NFATC2: variants seen among roughly 807,000 people sequenced by gnomAD.
NFATC2 encodes nuclear factor of activated T-cells, cytoplasmic 2.
Under a neutral mutation model 87.3 loss-of-function variants are expected in NFATC2, and 22 were observed. The observed-to-expected ratio is 0.25, with a 90% CI of 0.18 to 0.36. The LOEUF (loss-of-function observed/expected upper bound fraction) is 0.36, where lower values mean the gene tolerates loss of function less well. NFATC2 is among the 10% of genes least tolerant of loss of function. The pLI is 1.00. For synonymous variants in NFATC2, 565 were observed against 542.2 expected (o/e 1.04, Z -0.58); for missense variants, 1,149 against 1,259.1 (o/e 0.91, Z 1.32).
intron 3 of NFATC2, among the ~76,000 whole-genome samples, chr20:51,507,976 C>T (rs979284892): frequency 6.6e-6 from 1 of 152,256 alleles, no homozygotes; most frequent in African/African-American, 2.4e-5. Flanking sequence ...CTGCCCAGCA[C>T]ACACGAGGGC....
chr20:51,409,561 G>T (rs894547557), intron 9 of NFATC2, among the ~76,000 whole-genome samples: 3 of 152,190 alleles, frequency 2.0e-5, no homozygotes, highest in Non-Finnish European at 4.4e-5. Context: ...TCATGGCTGT[G>T]AACCTCAGAG....
At chr20:51,479,627 TA>T (rs767877117) in intron 3 of NFATC2, among the ~76,000 whole-genome samples, 1 of 151,936 alleles carries the variant, frequency 6.6e-6, no homozygotes, top group African/African-American at 2.4e-5. Context: ...CTCAAACAAA[TA>T]AACCAACAAA....
intron 2 of NFATC2, among the ~76,000 whole-genome samples, chr20:51,520,205 G>A (rs1484782558): frequency 1.3e-5 from 2 of 152,166 alleles, no homozygotes; most frequent in Non-Finnish European, 2.9e-5. Flanking sequence ...TCCGATAAAT[G>A]TATCATAATC....
At chr20:51,561,488 C>CAAGA (rs1568765937) in intron 1 of NFATC2, among the ~76,000 whole-genome samples, 24 of 76,582 alleles carry the variant, frequency 3.1e-4, no homozygotes, top group African/African-American at 1.1e-3. Context: ...AGAAAGAAAG[C>CAAGA]AAGCAAGCAA....
At chr20:51,487,302 C>A (rs181007194) in intron 3 of NFATC2, among the ~76,000 whole-genome samples, 1 of 152,184 alleles carries the variant, frequency 6.6e-6, no homozygotes, top group South Asian at 2.1e-4. Flanking sequence ...GGGATGGCAG[C>A]CGCTTCAGAA....
At chr20:51,559,843 T>C (rs528004135) in intron 1 of NFATC2, among the ~76,000 whole-genome samples, 13 of 152,336 alleles carry the variant, frequency 8.5e-5, no homozygotes, top group East Asian at 3.9e-4. Flanking sequence ...TTACTGCATG[T>C]TAAGCACAGA....
In NFATC2 at chr20:51,523,778, C is replaced by T. The variant is rs200562456; in HGVS notation, c.463G>A (p.Val155Met). The T allele has an allele frequency of 1.2e-6, 2 of 1,609,290 alleles. No individual in the cohort carries two copies. Among genetic ancestry groups the T allele is most frequent in the African/African-American group, 1.3e-5 (1 of 74,902 alleles). Residue 155 changes from valine to methionine, a missense_variant, in exon 2 of 11, where the codon GTG (valine) becomes ATG (methionine). By Grantham distance (21) the Val-to-Met change is conservative (BLOSUM62 1). Transcript: ENST00000371564. This position sits in a 1 kb window ranked among gnomAD's most constrained non-coding sequence, Gnocchi z 6.9. ...TCGCGGTAGCCCTCGAAGCCGGGCA[C>T]GGGCAGGGTGAACCTCGGGCTGGCG... ...VAASPRFTLP[V>M]PGFEGYREPL...
chr20:51,421,183 A>C (rs1175289339), intron 9 of NFATC2, among the ~76,000 whole-genome samples: 1 of 152,180 alleles, frequency 6.6e-6, no homozygotes, highest in African/African-American at 2.4e-5. Flanking sequence ...TTGGCCATGC[A>C]TTGATAACAG....
In NFATC2 at chr20:51,505,555, C is replaced by A. The variant is rs577657216; in HGVS notation, c.1332+11229G>T. ...ATGCATACGAATGAAATTTTTCGAA[C>A]CTGTGCCAGTATTCAGAATAGGCCC... On this transcript the variant is annotated intron_variant, in intron 3 of 10. Coordinates refer to ENST00000371564, the MANE Select transcript of NFATC2 (RefSeq NM_012340.5). Among the ~76,000 whole-genome samples, 17 of 151,932 alleles carry A rather than the reference C, an allele frequency of 1.1e-4. No homozygotes were observed. The East Asian group carries it at 2.9e-3, about 26-fold the overall frequency.
intron 3 of NFATC2, among the ~76,000 whole-genome samples, chr20:51,507,235 T>C (rs1350706153): frequency 6.6e-6 from 1 of 152,200 alleles, no homozygotes; most frequent in Non-Finnish European, 1.5e-5. Flanking sequence ...TTCACTTCCC[T>C]GTGCCTCTCA....
rs772408251 is a variant in NFATC2 at position 51,474,140 on chromosome 20, C to G, written c.1548G>C (p.Ala516=). The G allele has an allele frequency of 1.9e-6, 3 of 1,614,040 alleles. No individual in the cohort carries two copies. Among genetic ancestry groups the G allele is most frequent in the South Asian group, 1.1e-5 (1 of 91,082 alleles). Residue 516 remains alanine, a synonymous_variant, in exon 5 of 11, where the codon GCG becomes GCC. Coordinates refer to ENST00000371564, the MANE Select transcript of NFATC2 (RefSeq NM_012340.5). The stretch of plus-strand genomic sequence containing the variant: ...CGGCGTTTCTAAGCTTCAAGATCCC[C>G]GCACAGTCGATGCTGCCAGGATGTT... ...KNNMRATIDC[A]GILKLRNADI...
chr20:51,449,853 G>A lies in NFATC2; in HGVS notation c.1849+4695C>T, dbSNP rs75378103. The stretch of plus-strand genomic sequence containing the variant: ...GATCAGATTAGTTAGCACATACAAA[G>A]TGCTTAGAATAAGGCCTGGCACATA... On this transcript the variant is annotated intron_variant, in intron 6 of 10. Transcript: ENST00000371564. Among the ~76,000 whole-genome samples the A allele has an allele frequency of 7.9e-5, 12 of 151,978 alleles. No individual in the cohort carries two copies. In the East Asian group the frequency reaches 2.1e-3, roughly 27 times the overall value.
At chr20:51,474,820 C>T (rs974944937) in intron 4 of NFATC2, among the ~76,000 whole-genome samples, 10 of 152,068 alleles carry the variant, frequency 6.6e-5, no homozygotes, top group African/African-American at 2.4e-4. Context: ...TGAATTTGGG[C>T]CTCTCTGCAT....
At chr20:51,449,471 A>C (rs1195819188) in intron 6 of NFATC2, among the ~76,000 whole-genome samples, 3 of 152,178 alleles carry the variant, frequency 2.0e-5, no homozygotes, top group Non-Finnish European at 4.4e-5. Context: ...TTCTTCAGTT[A>C]GGCATGGAAG....
chr20:51,543,238 A>G (rs73910704), upstream of NFATC2, among the ~76,000 whole-genome samples: 7,358 of 152,262 alleles, frequency 0.048, 214 homozygotes, highest in Middle Eastern at 0.096. Flanking sequence ...CCCCCGTTAC[A>G]GCTATGCCTC....
chr20:51,430,634 G>A (rs930640354), intron 9 of NFATC2, among the ~76,000 whole-genome samples: 6 of 152,260 alleles, frequency 3.9e-5, no homozygotes, highest in East Asian at 1.9e-4. Context: ...GTTTTTGATC[G>A]ACTGTCTCCC....
intron 9 of NFATC2, among the ~76,000 whole-genome samples, chr20:51,427,281 G>A (rs1388443447): frequency 1.3e-5 from 2 of 152,114 alleles, no homozygotes; most frequent in South Asian, 2.1e-4. Flanking sequence ...ACCACAGAGC[G>A]CTAGTAAAAG....
At chr20:51,548,731 C>T (rs952162434) in intron 1 of NFATC2, among the ~76,000 whole-genome samples, 1 of 152,208 alleles carries the variant, frequency 6.6e-6, no homozygotes, top group Non-Finnish European at 1.5e-5. Flanking sequence ...CACTAAAAAG[C>T]AGCTGAAGGA....
chr20:51,422,175 T>C (rs1054687821), intron 9 of NFATC2, among the ~76,000 whole-genome samples: 3 of 152,100 alleles, frequency 2.0e-5, no homozygotes, highest in African/African-American at 7.2e-5. Context: ...TCCAAACTGC[T>C]CGCAACAGAC....
Sources: gnomAD v4.1 joint callset for allele counts (sites outside exome capture counted in the v4.1 genomes callset) on GRCh38, gnomAD v4.1.1 for gene constraint, Gnocchi (gnomAD v3.1) non-coding constraint, MANE v1.5 for transcripts, NCBI Gene and HGNC (gene_info 2026-07-23, HGNC 2026-07-21) for gene names.